EPHA6: variants seen among roughly 807,000 people sequenced by gnomAD.
EPHA6 encodes the protein EPH receptor A6.
A neutral mutation model predicts 112.0 loss-of-function variants in EPHA6; 50 were observed. The ratio of observed to expected loss-of-function variants is 0.45; its 90% CI spans 0.36 to 0.56. The LOEUF (loss-of-function observed/expected upper bound fraction) is 0.56. EPHA6 is among the 20% of genes least tolerant of loss of function. The pLI is 0.00. For missense variants in EPHA6, 1,280 were observed against 1,417.4 expected, an observed-to-expected ratio of 0.90 and a Z score of 1.56; for synonymous variants, 529 against 490.7, an observed-to-expected ratio of 1.08 and a Z score of -1.03.
intron 3 of EPHA6, among the ~76,000 whole-genome samples, chr3:97,193,283 T>G (rs1009695794): frequency 6.6e-6 from 1 of 152,176 alleles, no homozygotes; most frequent in African/African-American, 2.4e-5. Flanking sequence ...ATGGAATATC[T>G]TTTCATTTTC....
intron 16 of EPHA6, among the ~76,000 whole-genome samples, chr3:97,736,510 T>TGTGC (rs2035269207): frequency 6.7e-6 from 1 of 150,214 alleles, no homozygotes; most frequent in African/African-American, 2.5e-5. Context: ...TGTGTGTGTG[T>TGTGC]GCAGCCCCTT....
chr3:97,100,848 T>G (rs1346065293), intron 3 of EPHA6, among the ~76,000 whole-genome samples: 1 of 152,010 alleles, frequency 6.6e-6, no homozygotes, highest in Non-Finnish European at 1.5e-5. Flanking sequence ...TATTCTATCC[T>G]AATATTAACC....
At chr3:97,020,127 G>A (rs1255326982) in intron 3 of EPHA6, among the ~76,000 whole-genome samples, 1 of 152,076 alleles carries the variant, frequency 6.6e-6, no homozygotes, top group Admixed American at 6.6e-5. Flanking sequence ...TTATACCTCT[G>A]TCAATACCAG....
At chr3:97,641,610 C>A (rs968756519) in intron 14 of EPHA6, among the ~76,000 whole-genome samples, 2 of 152,222 alleles carry the variant, frequency 1.3e-5, no homozygotes, top group Non-Finnish European at 2.9e-5. Flanking sequence ...CGAAGCAGAG[C>A]GAGGCATTGC....
At chr3:97,064,937 T>G (rs1313894376) in intron 3 of EPHA6, among the ~76,000 whole-genome samples, 1 of 152,162 alleles carries the variant, frequency 6.6e-6, no homozygotes, top group African/African-American at 2.4e-5. Flanking sequence ...AAGACTTGAT[T>G]AAATTCTCAA....
chr3:97,269,044 A>G (rs981258501), intron 5 of EPHA6, among the ~76,000 whole-genome samples: 1 of 152,194 alleles, frequency 6.6e-6, no homozygotes, highest in African/African-American at 2.4e-5. Flanking sequence ...CTTTAAATAA[A>G]TGGTTTTGTA....
At chr3:96,892,351 G>A (rs550847964) in intron 2 of EPHA6, among the ~76,000 whole-genome samples, 4 of 152,022 alleles carry the variant, frequency 2.6e-5, no homozygotes, top group Admixed American at 2.6e-4. Context: ...CTCCTGAGTC[G>A]CTGGGACTAC....
rs1408109101 is a variant in EPHA6 at position 97,758,937 on chromosome 3, C to T, written c.*10236C>T. 6.6e-6 allele frequency among the ~76,000 whole-genome samples: 1 copy of T among 151,840 alleles called. No homozygotes were observed. Among genetic ancestry groups the T allele is most frequent in the Non-Finnish European group, 1.5e-5 (1 of 67,858 alleles). ...TACGCATGAGGCTACTGGAGTAATT[C>T]CAGCAAAAACGTGGTGGATTCACTA... On this transcript the variant is annotated 3_prime_UTR_variant, in exon 18 of 18. Coordinates refer to ENST00000389672, the MANE Select transcript of EPHA6 (RefSeq NM_001080448.3).
chr3:97,561,406 T>A (rs2093189720), intron 11 of EPHA6, among the ~76,000 whole-genome samples: 1 of 152,008 alleles, frequency 6.6e-6, no homozygotes, highest in Non-Finnish European at 1.5e-5. Flanking sequence ...TGAAGCAGCC[T>A]TATTACTGAT....
At chr3:96,921,251 T>C (rs1485551729) in intron 2 of EPHA6, among the ~76,000 whole-genome samples, 1 of 152,142 alleles carries the variant, frequency 6.6e-6, no homozygotes, top group African/African-American at 2.4e-5. Flanking sequence ...GTACTTTTTT[T>C]TCAGATCATA....
At chr3:97,515,766 C>T (rs927675122) in intron 10 of EPHA6, among the ~76,000 whole-genome samples, 6 of 152,012 alleles carry the variant, frequency 3.9e-5, no homozygotes, top group Non-Finnish European at 8.8e-5. Context: ...AAAATTTAAT[C>T]TCCTTGAGGA....
At chr3:97,501,798 A>T (rs75457178) in intron 10 of EPHA6, among the ~76,000 whole-genome samples, 2,341 of 152,180 alleles carry the variant, frequency 0.015, 89 homozygotes, top group African/African-American at 0.053. Flanking sequence ...GAGAAAGGGA[A>T]TAAAAGAAAG....
chr3:97,202,823 C>T (rs1354404528), intron 3 of EPHA6, among the ~76,000 whole-genome samples: 2 of 152,038 alleles, frequency 1.3e-5, no homozygotes, highest in East Asian at 3.9e-4. Flanking sequence ...GTTTTCTGCT[C>T]TTGAGAATAG....
intron 14 of EPHA6, among the ~76,000 whole-genome samples, chr3:97,696,774 G>A (rs774125933): frequency 2.6e-5 from 4 of 152,152 alleles, no homozygotes; most frequent in Non-Finnish European, 5.9e-5. Flanking sequence ...CAAAAGAGGA[G>A]GGTAGTATTA....
At chr3:97,129,939 G>A (rs947488226) in intron 3 of EPHA6, among the ~76,000 whole-genome samples, 5 of 152,276 alleles carry the variant, frequency 3.3e-5, no homozygotes, top group East Asian at 1.9e-4. Flanking sequence ...AACTGATACA[G>A]CATTCTTGCT....
chr3:97,649,095 G>T (rs1056786259), intron 14 of EPHA6, among the ~76,000 whole-genome samples: 1 of 152,024 alleles, frequency 6.6e-6, no homozygotes. Context: ...CTGTTTTCTC[G>T]CTGCTAATAA....
At chr3:97,557,286 T>C (rs2093125202) in intron 11 of EPHA6, among the ~76,000 whole-genome samples, 4 of 152,056 alleles carry the variant, frequency 2.6e-5, no homozygotes, top group Admixed American at 2.6e-4. Flanking sequence ...ATTTTAATAT[T>C]TTCCAATACA....
chr3:97,127,092 GT>G (rs1328848388), intron 3 of EPHA6, among the ~76,000 whole-genome samples: 1 of 152,176 alleles, frequency 6.6e-6, no homozygotes, highest in East Asian at 1.9e-4. Flanking sequence ...CATTTAATAA[GT>G]TTTACATGAC....
chr3:97,198,316 C>T (rs939415400), intron 3 of EPHA6, among the ~76,000 whole-genome samples: 3 of 152,062 alleles, frequency 2.0e-5, no homozygotes, highest in South Asian at 2.1e-4. Context: ...GTGGTTATGA[C>T]CCATGCAAAA....
Sources: gnomAD v4.1 joint callset for allele counts (sites outside exome capture counted in the v4.1 genomes callset) on GRCh38, gnomAD v4.1.1 for gene constraint, MANE v1.5 for transcripts, NCBI Gene and HGNC (gene_info 2026-07-23, HGNC 2026-07-21) for gene names.